Variants in SH2D4A observed in about 807,000 individuals in gnomAD.
SH2D4A encodes SH2 domain-containing protein 4A.
Under a neutral mutation model 64.7 loss-of-function variants are expected in SH2D4A, and 70 were observed. That is an observed-to-expected ratio of 1.08 (90% CI 0.89 to 1.32). SH2D4A has a LOEUF of 1.32. SH2D4A is among the 40% of genes most tolerant of loss of function. SH2D4A has a pLI of 0.00. For missense variants in SH2D4A, 706 were observed against 540.1 expected (o/e 1.31, Z -3.04); for synonymous variants, 268 against 200.7 (o/e 1.34, Z -2.83).
intron 7 of SH2D4A, among the ~76,000 whole-genome samples, chr8:19,364,592 T>TC (rs1022024625): frequency 2.8e-5 from 3 of 108,638 alleles, no homozygotes; most frequent in Non-Finnish European, 6.1e-5. Flanking sequence ...CCCGCCCCCC[T>TC]CCCCCCCAGA....
At chr8:19,386,312 C>G (rs1189610498) in intron 8 of SH2D4A, among the ~76,000 whole-genome samples, 1 of 152,236 alleles carries the variant, frequency 6.6e-6, no homozygotes, top group African/African-American at 2.4e-5. Context: ...TTGGGAAGAG[C>G]TAGCTTTTCT....
At chr8:19,332,565 G>A (rs2052378551) in intron 2 of SH2D4A, among the ~76,000 whole-genome samples, 1 of 151,160 alleles carries the variant, frequency 6.6e-6, no homozygotes, top group African/African-American at 2.4e-5. Flanking sequence ...GGGCATGGTG[G>A]CAGGTGCCTG....
In SH2D4A at chr8:19,315,430, C is replaced by T. The variant is rs990587197; in HGVS notation, c.-205+1607C>T. 5.3e-5 allele frequency among the ~76,000 whole-genome samples: 8 copies of T among 152,140 alleles called. No homozygotes were observed. In the East Asian group the frequency reaches 5.8e-4, roughly 11 times the overall value. On this transcript the variant is annotated intron_variant, in intron 1 of 9. Transcript: ENST00000265807. The stretch of plus-strand genomic sequence containing the variant: ...GGATTACATGTAGAACCACTGTGCC[C>T]GCCTACTATTTTTATGATTTAGCCT...
chr8:19,328,292 G>T (rs900531765), intron 2 of SH2D4A, among the ~76,000 whole-genome samples: 4 of 151,960 alleles, frequency 2.6e-5, no homozygotes, highest in African/African-American at 9.7e-5. Context: ...TCCAGATGTC[G>T]ATTGAAAGTC....
intron 4 of SH2D4A, among the ~76,000 whole-genome samples, chr8:19,356,181 G>C (rs1332561656): frequency 6.6e-6 from 1 of 152,218 alleles, no homozygotes; most frequent in African/African-American, 2.4e-5. Context: ...GTTGTCAACT[G>C]CATTATGTTA....
At position 19,321,597 on chromosome 8, in the gene SH2D4A, C is replaced by T. The variant is rs563880561; in HGVS notation, c.181+1869C>T. The stretch of plus-strand genomic sequence containing the variant: ...TTCTGTTGGATTTTACATTATTCTG[C>T]ACTATCCAAAATACAACTTTTCCTC... On this transcript the variant is annotated intron_variant, in intron 2 of 9. Coordinates refer to ENST00000265807, the MANE Select transcript of SH2D4A (RefSeq NM_022071.4). Among the ~76,000 whole-genome samples, 5 of 152,312 alleles carry T rather than the reference C, an allele frequency of 3.3e-5. No homozygotes were observed. In the East Asian group the frequency reaches 9.6e-4, roughly 29 times the overall value.
chr8:19,342,903 A>T (rs917725224), intron 4 of SH2D4A, among the ~76,000 whole-genome samples: 1 of 152,204 alleles, frequency 6.6e-6, no homozygotes, highest in Non-Finnish European at 1.5e-5. Flanking sequence ...AGACAGGATT[A>T]AATCTACTTT....
intron 4 of SH2D4A, among the ~76,000 whole-genome samples, chr8:19,356,080 T>G (rs2052787034): frequency 6.6e-6 from 1 of 152,208 alleles, no homozygotes; most frequent in Admixed American, 6.5e-5. Flanking sequence ...ACTGCTGCTG[T>G]CACCATTCCA....
At chr8:19,334,880 C>A (rs759922746) in intron 4 of SH2D4A, 23 bp downstream of exon 4, 3 of 1,571,894 alleles carry the variant, frequency 1.9e-6, no homozygotes, top group Non-Finnish European at 2.6e-6. Context: ...TGTCTGTAGA[C>A]GTGCGGAATT....
At chr8:19,323,284 T>C (rs1200972528) in intron 2 of SH2D4A, among the ~76,000 whole-genome samples, 4 of 152,062 alleles carry the variant, frequency 2.6e-5, no homozygotes, top group African/African-American at 9.7e-5. Context: ...GAAAAGATAA[T>C]GCCACATTAA....
chr8:19,372,422 A>G (rs1026120608), intron 7 of SH2D4A, among the ~76,000 whole-genome samples: 1 of 152,106 alleles, frequency 6.6e-6, no homozygotes, highest in African/African-American at 2.4e-5. Context: ...AATGACCCAG[A>G]CAAGTGTGTC....
chr8:19,363,636 AGTC>A (rs1449786226), intron 6 of SH2D4A, among the ~76,000 whole-genome samples: 1 of 152,116 alleles, frequency 6.6e-6, no homozygotes, highest in East Asian at 1.9e-4. Flanking sequence ...GCCACTGAGT[AGTC>A]CTGATCTCTG....
intron 8 of SH2D4A, among the ~76,000 whole-genome samples, chr8:19,388,884 T>A (rs1323892770): frequency 1.3e-5 from 2 of 152,184 alleles, no homozygotes; most frequent in Non-Finnish European, 1.5e-5. Flanking sequence ...CTCTAGGAGC[T>A]CACATGGAAG....
At chr8:19,317,070 A>T (rs1341271734) in intron 1 of SH2D4A, among the ~76,000 whole-genome samples, 1 of 152,172 alleles carries the variant, frequency 6.6e-6, no homozygotes, top group African/African-American at 2.4e-5. Flanking sequence ...CTGCATTCAA[A>T]ATGGGGAACA....
At chr8:19,347,719 T>C (rs2052634729) in intron 4 of SH2D4A, among the ~76,000 whole-genome samples, 1 of 152,100 alleles carries the variant, frequency 6.6e-6, no homozygotes, top group Non-Finnish European at 1.5e-5. Flanking sequence ...AAACAGGAGA[T>C]AAAAAAATTA....
Position 19,334,595 on chromosome 8 carries a change from T to G in SH2D4A, c.342-91T>G, listed in dbSNP as rs1190849774. On this transcript the variant is annotated intron_variant, in intron 3 of 9. Transcript: ENST00000265807. Reference sequence around the variant, plus strand: ...TCAGTAAGTGGTGTCAGTTACTGTTTTTCACATAATTTGAATGTCGACATA... The same window carrying G: ...TCAGTAAGTGGTGTCAGTTACTGTTGTTCACATAATTTGAATGTCGACATA... The G allele has an allele frequency of 4.3e-6, 6 of 1,408,808 alleles. No individual in the cohort carries two copies. In the East Asian group the frequency reaches 1.4e-4, roughly 33 times the overall value. 87.3% of individuals were successfully genotyped at this position (1,408,808 alleles called of 1,614,324 possible).
At chr8:19,380,965 G>A (rs563031169) in intron 8 of SH2D4A, among the ~76,000 whole-genome samples, 3 of 151,314 alleles carry the variant, frequency 2.0e-5, no homozygotes, top group Admixed American at 1.3e-4. Context: ...GCATAGTATT[G>A]TTGTCTTAAG....
intron 4 of SH2D4A, among the ~76,000 whole-genome samples, chr8:19,352,370 T>G (rs925801053): frequency 6.6e-6 from 1 of 152,264 alleles, no homozygotes; most frequent in African/African-American, 2.4e-5. Flanking sequence ...TTTGGGATTT[T>G]CACTGATTAC....
intron 8 of SH2D4A, among the ~76,000 whole-genome samples, chr8:19,380,383 C>A (rs947379900): frequency 2.0e-5 from 3 of 151,720 alleles, no homozygotes; most frequent in Admixed American, 2.0e-4. Context: ...TCATGAAATT[C>A]GATTTGCCTC....
Sources: gnomAD v4.1 joint callset for allele counts (sites outside exome capture counted in the v4.1 genomes callset) on GRCh38, gnomAD v4.1.1 for gene constraint, MANE v1.5 for transcripts, NCBI Gene and HGNC (gene_info 2026-07-23, HGNC 2026-07-21) for gene names.